The following TUBB8 variants were observed in gnomAD, a reference collection of about 807,000 sequenced individuals.
TUBB8 encodes the protein tubulin beta-8 chain.
Under a neutral mutation model 33.7 loss-of-function variants are expected in TUBB8, and 25 were observed. The ratio of observed to expected loss-of-function variants is 0.74; its 90% CI spans 0.54 to 1.04. The LOEUF is 1.04. Ranked by LOEUF, TUBB8 falls within the 50% of genes least tolerant of loss-of-function variation. The pLI is 0.00. For missense variants in TUBB8, 279 were observed against 608.0 expected, an observed-to-expected ratio of 0.46 and a Z score of 5.69; for synonymous variants, 245 against 240.1, an observed-to-expected ratio of 1.02 and a Z score of -0.19.
chr10:60,390 AAC>A lies in TUBB8; in HGVS notation c.-845-10159_-845-10158del, dbSNP rs1445651741. 3.9e-3 allele frequency among the ~76,000 whole-genome samples: 594 copies of A among 152,140 alleles called. 1 individual carries two copies. The highest frequency in any genetic ancestry group is 6.7e-3 in the Non-Finnish European group (455 of 67,974). ...CAAACAAATTTACAAGAAAAAAACA[AAC>A]AACTCCATCAAAAAGTGGGCAAAGG... On this transcript the variant is annotated intron_variant, in intron 1 of 3. Transcript: ENST00000564130.
At chr10:75,197 A>T (rs528197851), upstream of TUBB8, among the ~76,000 whole-genome samples, 127 of 128,738 alleles carry the variant, frequency 9.9e-4, 2 homozygotes, top group East Asian at 0.017. Context: ...TTTTTTTTTT[A>T]AATTAGCTGT....
intron 1 of TUBB8, among the ~76,000 whole-genome samples, chr10:70,148 G>A (rs1554742120): frequency 6.6e-6 from 1 of 152,084 alleles, no homozygotes; most frequent in South Asian, 2.1e-4. Flanking sequence ...GTGTTAGACA[G>A]GAATTATTTT....
At chr10:61,514 A>T (rs1834601302) in intron 1 of TUBB8, among the ~76,000 whole-genome samples, 1 of 152,242 alleles carries the variant, frequency 6.6e-6, no homozygotes. Flanking sequence ...TAGACTTGCT[A>T]CTTAACATAT....
chr10:74,529 A>G (rs1554742840), upstream of TUBB8, among the ~76,000 whole-genome samples: 1 of 150,170 alleles, frequency 6.7e-6, no homozygotes, highest in East Asian at 2.0e-4. Context: ...CTGGAGGCTG[A>G]GGCAGGAGAA....
intron 1 of TUBB8, among the ~76,000 whole-genome samples, chr10:67,569 C>A (rs535195550): frequency 6.6e-6 from 1 of 152,086 alleles, no homozygotes; most frequent in Non-Finnish European, 1.5e-5. Context: ...GGATTACATG[C>A]GCATGCCACG....
Position 49,248 on chromosome 10 carries a change from G to A in TUBB8, c.-10C>T, listed in dbSNP as rs201207808. 1.9e-3 allele frequency: 2,927 copies of A among 1,571,910 alleles called. 10 individuals carry two copies. Among genetic ancestry groups the A allele is most frequent in the Middle Eastern group, 6.9e-3 (32 of 4,656 alleles). On this transcript the variant is annotated 5_prime_UTR_variant, in exon 1 of 4. Coordinates refer to ENST00000568584, the MANE Select transcript of TUBB8 (RefSeq NM_177987.3). ...GCACGATCTCCCTCATGGCCAAGGCGGGATTAGGACGGCAGGAGAAACGTG... is the reference window on the plus strand; with the variant it reads ...GCACGATCTCCCTCATGGCCAAGGCAGGATTAGGACGGCAGGAGAAACGTG...
At chr10:63,496 G>C (rs1190091662) in intron 1 of TUBB8, among the ~76,000 whole-genome samples, 12 of 151,846 alleles carry the variant, frequency 7.9e-5, no homozygotes, top group Non-Finnish European at 1.3e-4. Context: ...ATTCTTTTTT[G>C]TCTCCTCTGA....
upstream of TUBB8, among the ~76,000 whole-genome samples, chr10:50,847 A>G (rs1834458595): frequency 6.6e-6 from 1 of 152,236 alleles, no homozygotes. Flanking sequence ...TAGCATATTT[A>G]GCCCTCCTGT....
rs1834352344 is a variant in TUBB8, at chr10:47,290, T to C, written c.1102A>G (p.Ile368Val). The C allele has an allele frequency of 6.2e-7, 1 of 1,613,722 alleles. No individual in the cohort carries two copies. ...TCCTGGATGGCCGTATTATTCCCAA[T>C]GAAGGTGGCTGACATTTTTAGCCCC... is the stretch of plus-strand genomic sequence containing the variant. Reference protein sequence around the residue: ...PRGLKMSATFIGNNTAIQELF... With the variant: ...PRGLKMSATFVGNNTAIQELF... The change falls in exon 4 of 4, where the codon ATT (isoleucine) becomes GTT (valine). Residue 368 changes from isoleucine to valine, a missense_variant. Ile to Val is a conservative substitution (Grantham distance 29, BLOSUM62 3). Around this residue, in one of 4 missense-constraint regions of TUBB8, gnomAD observed 123 missense variants for 228.9 expected, o/e 0.54. Transcript: ENST00000568584.
chr10:47,831 G>A lies in TUBB8; in HGVS notation c.561C>T (p.Leu187=). The A allele has an allele frequency of 6.2e-7, 1 of 1,614,276 alleles. No homozygotes were observed. The highest frequency in any genetic ancestry group is 1.3e-5 in the African/African-American group (1 of 75,082). The part of the protein sequence containing the change: ...DTVVEPYNAT[L]SVHQLIENAD... ...CGTTTTCTATGAGCTGGTGGACTGA[G>A]AGGGTGGCGTTGTAGGGCTCCACCA... The change falls in exon 4 of 4, where the codon CTC becomes CTT. Residue 187 remains leucine, a synonymous_variant. Coordinates refer to ENST00000568584, the MANE Select transcript of TUBB8 (RefSeq NM_177987.3).
Position 47,202 on chromosome 10 carries a change from C to T in TUBB8, c.1190G>A (p.Trp397Ter). The change falls in exon 4 of 4, where the codon TGG becomes TAG. Residue 397 changes from tryptophan (W) to a stop codon, truncating the protein, a stop_gained. Coordinates refer to ENST00000568584, the MANE Select transcript of TUBB8 (RefSeq NM_177987.3). LOFTEE classifies it high-confidence loss of function. ...CTCATCCATGCCCTCGCCCGTGTACCAGTGGAGGAAGGCCTTGCGCCTGAA... is the reference window on the plus strand; with the variant it reads ...CTCATCCATGCCCTCGCCCGTGTACTAGTGGAGGAAGGCCTTGCGCCTGAA... ...AMFRRKAFLH[W>*]YTGEGMDEME... The T allele has an allele frequency of 6.2e-7, 1 of 1,612,822 alleles. No homozygotes were observed. Among genetic ancestry groups the T allele is most frequent in the East Asian group, 2.2e-5 (1 of 44,850 alleles).
chr10:52,858 CAT>C (rs1237986668), upstream of TUBB8, among the ~76,000 whole-genome samples: 1 of 152,154 alleles, frequency 6.6e-6, no homozygotes, highest in Non-Finnish European at 1.5e-5. Flanking sequence ...GAATTCTAGT[CAT>C]GTGTATTAAA....
chr10:63,895 G>A (rs2130945964), intron 1 of TUBB8, among the ~76,000 whole-genome samples: 1 of 152,154 alleles, frequency 6.6e-6, no homozygotes, highest in South Asian at 2.1e-4. Context: ...CTTTATTGTA[G>A]TCTTCACAGT....
chr10:72,254 TAAAAAAAA>T (rs34999592), intron 1 of TUBB8, among the ~76,000 whole-genome samples: 1 of 125,254 alleles, frequency 8.0e-6, no homozygotes, highest in Non-Finnish European at 1.7e-5. Context: ...TTTTTTTAAT[TAAAAAAAA>T]AAAAAAAAGC....
chr10:66,665 G>T (rs1336576948), intron 1 of TUBB8, among the ~76,000 whole-genome samples: 1 of 152,196 alleles, frequency 6.6e-6, no homozygotes, highest in Non-Finnish European at 1.5e-5. Flanking sequence ...GAAAGAAAAA[G>T]AAATTACATT....
intron 1 of TUBB8, among the ~76,000 whole-genome samples, chr10:57,414 T>G (rs1325946210): frequency 1.3e-5 from 2 of 152,256 alleles, no homozygotes; most frequent in African/African-American, 4.8e-5. Context: ...GTAGAGGTTC[T>G]TCATAAGGGC....
intron 1 of TUBB8, among the ~76,000 whole-genome samples, chr10:59,242 G>A (rs1257857034): frequency 6.6e-6 from 1 of 152,156 alleles, no homozygotes; most frequent in African/African-American, 2.4e-5. Context: ...AGGCTGGAGT[G>A]CAATGGCATG....
chr10:57,028 C>T (rs1248046548), intron 1 of TUBB8, among the ~76,000 whole-genome samples: 1 of 152,180 alleles, frequency 6.6e-6, no homozygotes, highest in Admixed American at 6.5e-5. Context: ...AGGAAGAAAT[C>T]AGCCAAAAGA....
rs868942025 is a variant in TUBB8 at position 64,095 on chromosome 10, C to A, written c.-846+9874G>T. Among the ~76,000 whole-genome samples, 4 of 152,132 alleles carry A rather than the reference C, an allele frequency of 2.6e-5. No homozygotes were observed. In the Middle Eastern group the frequency reaches 0.01, roughly 388 times the overall value. On this transcript the variant is annotated intron_variant, in intron 1 of 3. Coordinates refer to the TUBB8 transcript ENST00000564130. ...TCTCTTCCCTTTCTTTCTCTGAAACCAGCAGAGTCTCTCTTTCTCTGCTGA... is the reference window on the plus strand; with the variant it reads ...TCTCTTCCCTTTCTTTCTCTGAAACAAGCAGAGTCTCTCTTTCTCTGCTGA...
Sources: allele counts gnomAD v4.1 joint callset (sites outside exome capture counted in the v4.1 genomes callset), GRCh38; gene constraint gnomAD v4.1.1; regional missense constraint gnomAD v4.1.1; transcripts MANE v1.5; gene names NCBI Gene and HGNC (gene_info 2026-07-23, HGNC 2026-07-21).